MARCHF6: variants seen among roughly 807,000 people sequenced by gnomAD.
MARCHF6 encodes membrane associated ring-CH-type finger 6.
MARCHF6 carries 31 observed loss-of-function variants against 133.7 expected under a neutral mutation model. The ratio of observed to expected loss-of-function variants is 0.23; its 90% CI spans 0.17 to 0.31. The LOEUF is 0.31. MARCHF6 is among the 10% of genes least tolerant of loss of function. MARCHF6 has a pLI of 1.00. For synonymous variants in MARCHF6, 395 were observed against 402.5 expected, an observed-to-expected ratio of 0.98 and a Z score of 0.22; for missense variants, 723 against 1,121.6, an observed-to-expected ratio of 0.64 and a Z score of 5.08.
At chr5:10,426,960 G>A (rs146870537) in intron 24 of MARCHF6, among the ~76,000 whole-genome samples, 225 of 152,352 alleles carry the variant, frequency 1.5e-3, no homozygotes, top group African/African-American at 5.2e-3. Context: ...TGTTGATTGT[G>A]TAGTGAAGAC....
At chr5:10,370,411 ATTT>A (rs1485164918) in intron 1 of MARCHF6, among the ~76,000 whole-genome samples, 1 of 152,044 alleles carries the variant, frequency 6.6e-6, no homozygotes, top group African/African-American at 2.4e-5. Context: ...CGTTACTGTG[ATTT>A]TTATTAAAAA....
At chr5:10,406,936 T>C (rs1738932800) in intron 16 of MARCHF6, among the ~76,000 whole-genome samples, 166 bp from the exon 17 acceptor site, 1 of 152,150 alleles carries the variant, frequency 6.6e-6, no homozygotes, top group Admixed American at 6.6e-5. Flanking sequence ...AGGAAAACAT[T>C]TTTATACAAA....
Position 10,417,383 on chromosome 5 carries a change from T to C in MARCHF6, c.2262T>C (p.Thr754=). Residue 754 remains threonine (T), a synonymous_variant, in exon 22 of 26, where the codon ACT becomes ACC. Coordinates refer to ENST00000274140, the MANE Select transcript of MARCHF6 (RefSeq NM_005885.4). ...CCCTGAGGGTTCCCTTGGATCAGACTCCTCTTTTTTATCCATGGCAGGTAA... is the reference window on the plus strand; with the variant it reads ...CCCTGAGGGTTCCCTTGGATCAGACCCCTCTTTTTTATCCATGGCAGGTAA... ...VAPLRVPLDQ[T]PLFYPWQDWA... 13 of 1,613,920 alleles carry C rather than the reference T, an allele frequency of 8.1e-6. No homozygotes were observed. Among genetic ancestry groups the C allele is most frequent in the Non-Finnish European group, 1.1e-5 (13 of 1,179,966 alleles).
In MARCHF6 at chr5:10,405,578, G is replaced by T. The variant is rs201869461; in HGVS notation, c.1353G>T (p.Leu451=). Residue 451 remains leucine (L), a synonymous_variant, in exon 16 of 26, where the codon CTG becomes CTT. Transcript: ENST00000274140. The stretch of plus-strand genomic sequence containing the variant: ...TGCAGGTACTTCGACCTGGTGTCCT[G>T]TGGTTTCTAAGGAATTTGAATGATC... ...LLREVLRPGV[L]WFLRNLNDPD... 2.1e-5 allele frequency: 33 copies of T among 1,607,184 alleles called. No homozygotes were observed. In the African/African-American group the frequency reaches 3.0e-4, roughly 14 times the overall value.
chr5:10,370,205 A>G (rs1028643814), intron 1 of MARCHF6, among the ~76,000 whole-genome samples: 13 of 149,126 alleles, frequency 8.7e-5, no homozygotes, highest in Admixed American at 2.7e-4. Flanking sequence ...GGCTCAAGCA[A>G]TCTTTCTGCC....
intron 23 of MARCHF6, among the ~76,000 whole-genome samples, chr5:10,424,799 T>TCTAG (rs1321450286): frequency 6.6e-6 from 1 of 152,236 alleles, no homozygotes; most frequent in Non-Finnish European, 1.5e-5. Flanking sequence ...TTTGGCTTCA[T>TCTAG]CTAGCTACAT....
At chr5:10,361,410 C>G (rs1421141695) in intron 1 of MARCHF6, among the ~76,000 whole-genome samples, 1 of 152,154 alleles carries the variant, frequency 6.6e-6, no homozygotes, top group Non-Finnish European at 1.5e-5. Flanking sequence ...CTGGTTTCTT[C>G]TGAGGTCTCT....
At chr5:10,381,396 G>A (rs1737135530) in intron 3 of MARCHF6, among the ~76,000 whole-genome samples, 1 of 152,176 alleles carries the variant, frequency 6.6e-6, no homozygotes, top group African/African-American at 2.4e-5. Context: ...ATATTTGGGG[G>A]AGTGTTGATG....
chr5:10,405,492 T>G (rs1738830770), intron 15 of MARCHF6, 66 bp from the exon 16 acceptor site: 1 of 1,350,942 alleles, frequency 7.4e-7, no homozygotes, highest in Non-Finnish European at 1.0e-6. Context: ...TCTGTTAATG[T>G]TTTAGCTCAT....
chr5:10,366,273 C>T lies in MARCHF6; in HGVS notation c.20-11525C>T, dbSNP rs538250503. ...GTATACATTCCATATAGTGAATGTG[C>T]ACCATTTATATAGCCGCTTCCCTAT... On this transcript the variant is annotated intron_variant, in intron 1 of 25. Transcript: ENST00000274140. Among the ~76,000 whole-genome samples the T allele has an allele frequency of 4.6e-5, 7 of 152,262 alleles. No individual in the cohort carries two copies. In the South Asian group the frequency reaches 1.5e-3, roughly 32 times the overall value.
intron 1 of MARCHF6, among the ~76,000 whole-genome samples, chr5:10,357,554 CTT>C (rs1735552506): frequency 6.6e-6 from 1 of 152,086 alleles, no homozygotes; most frequent in Non-Finnish European, 1.5e-5. Flanking sequence ...TTTGAGGTAA[CTT>C]AAATTTGGAA....
rs941784664 is a variant in MARCHF6 at position 10,435,909 on chromosome 5, G to A, written c.*2225G>A. On this transcript the variant is annotated 3_prime_UTR_variant, in exon 26 of 26. Coordinates refer to ENST00000274140, the MANE Select transcript of MARCHF6 (RefSeq NM_005885.4). Reference sequence around the variant, plus strand: ...TTTTAGTTATTTTAGTAGAGATAGGGTTTCACCATGTTGGCCAGGCTGGTC... The same window carrying A: ...TTTTAGTTATTTTAGTAGAGATAGGATTTCACCATGTTGGCCAGGCTGGTC... The A allele has an allele frequency of 6.7e-6, 1 of 150,106 alleles. No individual in the cohort carries two copies. The highest frequency in any genetic ancestry group is 1.5e-5 in the Non-Finnish European group (1 of 67,634). The allele number at this position is 150,106 out of a possible 1,614,324, so 9.3% of individuals were successfully genotyped here.
chr5:10,381,134 G>A (rs1026670841), intron 3 of MARCHF6, among the ~76,000 whole-genome samples: 9 of 152,256 alleles, frequency 5.9e-5, no homozygotes, highest in South Asian at 2.1e-4. Flanking sequence ...AGAGGTTTTT[G>A]ATAATAGGCA....
At chr5:10,401,831 C>T in intron 11 of MARCHF6, 2 of 535,886 alleles carry the variant, frequency 3.7e-6, no homozygotes, top group East Asian at 2.9e-5. Flanking sequence ...ATTTTGTCTC[C>T]TTGGGTAAAG....
At chr5:10,393,657 C>T (rs1422535269) in intron 7 of MARCHF6, among the ~76,000 whole-genome samples, 1 of 152,150 alleles carries the variant, frequency 6.6e-6, no homozygotes, top group African/African-American at 2.4e-5. Context: ...GTAGTTTTCC[C>T]ATTACTAAAG....
intron 24 of MARCHF6, 137 bp downstream of exon 24, chr5:10,426,659 A>T (rs955425291): frequency 4.2e-6 from 4 of 944,680 alleles, no homozygotes; most frequent in African/African-American, 3.4e-5. Context: ...AATGATTTCA[A>T]AATACCACTT....
Position 10,390,433 on chromosome 5 carries a change from G to T in MARCHF6, c.509G>T (p.Gly170Val). The change falls in exon 6 of 26, where the codon GGG becomes GTG. Residue 170 changes from glycine to valine, a missense_variant. Coordinates refer to ENST00000274140, the MANE Select transcript of MARCHF6 (RefSeq NM_005885.4). ...LVWLREQIVH[G>V]GAPIWLEHAA... ...TGGTTGAGAGAGCAGATAGTCCATG[G>T]GGGAGCACCAATTTGGTTGGAGCAT... 6.2e-7 allele frequency: 1 copy of T among 1,613,900 alleles called. No homozygotes were observed. Among genetic ancestry groups the T allele is most frequent in the Non-Finnish European group, 8.5e-7 (1 of 1,179,990 alleles).
chr5:10,370,091 G>GTTT (rs1736379086), intron 1 of MARCHF6, among the ~76,000 whole-genome samples: 7 of 71,386 alleles, frequency 9.8e-5, no homozygotes, highest in African/African-American at 4.1e-4. Context: ...ATCTTACTGT[G>GTTT]ATTTTTTTTT....
intron 22 of MARCHF6, among the ~76,000 whole-genome samples, chr5:10,419,332 A>G (rs1739704793): frequency 6.6e-6 from 1 of 152,212 alleles, no homozygotes; most frequent in Non-Finnish European, 1.5e-5. Flanking sequence ...CTACAAGGCA[A>G]AAAATAAAAT....
Sources: gnomAD v4.1 joint callset for allele counts (sites outside exome capture counted in the v4.1 genomes callset) on GRCh38, gnomAD v4.1.1 for gene constraint, MANE v1.5 for transcripts, NCBI Gene and HGNC (gene_info 2026-07-23, HGNC 2026-07-21) for gene names.